Variants in TENM2 observed in about 807,000 individuals in gnomAD.
TENM2 encodes the protein teneurin transmembrane protein 2, also known as teneurin-2.
TENM2 carries 52 observed loss-of-function variants against 245.2 expected under a neutral mutation model. The observed-to-expected ratio is 0.21, with a 90% CI of 0.17 to 0.27. The LOEUF is 0.27. TENM2 is among the 10% of genes least tolerant of loss of function. The pLI is 1.00. For missense variants in TENM2, 3,046 were observed against 3,666.8 expected, an observed-to-expected ratio of 0.83 and a Z score of 4.37; for synonymous variants, 1,363 against 1,438.9, an observed-to-expected ratio of 0.95 and a Z score of 1.19.
intron 2 of TENM2, among the ~76,000 whole-genome samples, chr5:167,596,737 A>T (rs1291520897): frequency 6.6e-6 from 1 of 150,908 alleles, no homozygotes; most frequent in African/African-American, 2.4e-5. Flanking sequence ...CGGAGCTTGC[A>T]GTGAGCCGAG....
At chr5:167,816,947 C>T (rs1767105185) in intron 2 of TENM2, among the ~76,000 whole-genome samples, 1 of 152,140 alleles carries the variant, frequency 6.6e-6, no homozygotes, top group African/African-American at 2.4e-5. Context: ...TAATGAAGCA[C>T]AATCATGACT....
At position 168,076,886 on chromosome 5, in the gene TENM2, C is replaced by T. The variant is rs542280845; in HGVS notation, c.1516-13688C>T. Among the ~76,000 whole-genome samples the T allele has an allele frequency of 5.3e-5, 8 of 152,258 alleles. No homozygotes were observed. The East Asian group carries it at 5.8e-4, about 11-fold the overall frequency. On this transcript the variant is annotated intron_variant, in intron 7 of 28. Coordinates refer to ENST00000518659, the Ensembl canonical transcript of TENM2. ...CTGTGGTCCTGTGAATACACACACACGTGCAAATGAGAGAGGCGGGCCAGC... is the reference window on the plus strand; with the variant it reads ...CTGTGGTCCTGTGAATACACACACATGTGCAAATGAGAGAGGCGGGCCAGC...
chr5:167,236,124 C>T, the TENM2 span, among the ~76,000 whole-genome samples: 4 of 152,152 alleles, frequency 2.6e-5, no homozygotes, highest in Non-Finnish European at 5.9e-5. Flanking sequence ...CTGTGTATTA[C>T]CTTGTCTACA....
At chr5:167,653,956 A>T (rs1279262617) in intron 2 of TENM2, 1 of 151,748 alleles carries the variant, frequency 6.6e-6, no homozygotes, top group African/African-American at 2.4e-5. Flanking sequence ...AAAAGAAATC[A>T]ATTCTTGACA....
chr5:168,001,415 G>A (rs1320444958), intron 5 of TENM2, among the ~76,000 whole-genome samples: 1 of 152,212 alleles, frequency 6.6e-6, no homozygotes, highest in Non-Finnish European at 1.5e-5. Flanking sequence ...TGGAGTTCAA[G>A]GTGAAGAAGC....
At chr5:167,449,539 GATAGATA>G (rs1765442371) in intron 2 of TENM2, among the ~76,000 whole-genome samples, 2 of 151,338 alleles carry the variant, frequency 1.3e-5, no homozygotes, top group Non-Finnish European at 3.0e-5. Flanking sequence ...TAGATAGATA[GATAGATA>G]GATAGATAGA....
the TENM2 span, among the ~76,000 whole-genome samples, chr5:167,180,092 G>C: frequency 7.2e-6 from 1 of 139,734 alleles, no homozygotes; most frequent in Non-Finnish European, 1.5e-5. Flanking sequence ...CCTTTTCAGA[G>C]TAAGTGCTTC....
At chr5:167,986,070 T>C (rs1252243791) in intron 4 of TENM2, among the ~76,000 whole-genome samples, 2 of 152,200 alleles carry the variant, frequency 1.3e-5, no homozygotes, top group Admixed American at 6.5e-5. Context: ...AGGTTTCTTT[T>C]TAAAATCTTT....
chr5:168,230,948 C>A, intron 25 of TENM2: 1 of 152,344 alleles, frequency 6.6e-6, no homozygotes, highest in Non-Finnish European at 1.5e-5. Context: ...ATCTCATGGG[C>A]GTAACACATC....
intron 2 of TENM2, among the ~76,000 whole-genome samples, chr5:167,831,330 T>A (rs1471103370): frequency 6.6e-6 from 1 of 152,126 alleles, no homozygotes. Context: ...GGTAGACAAT[T>A]AAATAAAGTA....
intron 2 of TENM2, among the ~76,000 whole-genome samples, chr5:167,389,773 G>A (rs925564706): frequency 2.6e-4 from 40 of 152,062 alleles, no homozygotes; most frequent in African/African-American, 8.9e-4. Flanking sequence ...AAATCAACAG[G>A]CACACGGAAT....
the TENM2 span, among the ~76,000 whole-genome samples, chr5:167,152,529 G>A: frequency 6.6e-6 from 1 of 152,140 alleles, no homozygotes; most frequent in Non-Finnish European, 1.5e-5. Context: ...TGTTAAACCT[G>A]AAGGGATCCT....
upstream of TENM2, among the ~76,000 whole-genome samples, chr5:167,281,331 G>T (rs1771057017): frequency 6.6e-6 from 1 of 150,490 alleles, no homozygotes; most frequent in African/African-American, 2.4e-5. Context: ...TGGCCAGGCT[G>T]GTCTTGAACT....
At chr5:168,042,337 C>T (rs568672359) in intron 5 of TENM2, among the ~76,000 whole-genome samples, 2 of 152,226 alleles carry the variant, frequency 1.3e-5, no homozygotes, top group East Asian at 1.9e-4. Context: ...GGGGCCTGCT[C>T]GGCAAACACA....
At chr5:168,211,055 A>G (rs1237853774) in intron 19 of TENM2, among the ~76,000 whole-genome samples, 1 of 152,188 alleles carries the variant, frequency 6.6e-6, no homozygotes, top group Non-Finnish European at 1.5e-5. Flanking sequence ...CGTTATTGCA[A>G]TATTGGACGT....
chr5:167,894,997 G>A (rs1775095020), intron 3 of TENM2, among the ~76,000 whole-genome samples: 1 of 132,660 alleles, frequency 7.5e-6, no homozygotes, highest in South Asian at 3.0e-4. Flanking sequence ...AAGGAGGGAA[G>A]GAAGGAAGGA....
chr5:167,914,718 G>A (rs1012248737), intron 3 of TENM2, among the ~76,000 whole-genome samples: 1 of 152,262 alleles, frequency 6.6e-6, no homozygotes, highest in Non-Finnish European at 1.5e-5. Context: ...GAGCCTCTCA[G>A]GGAGGATCTT....
intron 5 of TENM2, among the ~76,000 whole-genome samples, chr5:168,026,700 G>C (rs1340751741): frequency 1.3e-5 from 2 of 152,078 alleles, no homozygotes; most frequent in Non-Finnish European, 2.9e-5. Context: ...CTGTAAAATG[G>C]ATACAATAAT....
At position 167,583,473 on chromosome 5, in the gene TENM2, TACACACACAC is replaced by T. The variant is rs10682735; in HGVS notation, c.502+208029_502+208038del. ...TGTGAAAAGGCATTATGAGTATATG[TACACACACAC>T]ACACACACACACACACACACACACA... On this transcript the variant is annotated intron_variant, in intron 2 of 28. Transcript: ENST00000518659. 3.0e-3 allele frequency among the ~76,000 whole-genome samples: 408 copies of T among 137,574 alleles called. 1 individual carries two copies. The highest frequency in any genetic ancestry group is 0.01 in the African/African-American group (380 of 36,252). The allele number at this position is 137,574 out of a possible 152,430, so 90.3% of individuals were successfully genotyped here.
Sources: gnomAD v4.1 joint callset for allele counts (sites outside exome capture counted in the v4.1 genomes callset) on GRCh38, gnomAD v4.1.1 for gene constraint, MANE v1.5 for transcripts, NCBI Gene and HGNC (gene_info 2026-07-23, HGNC 2026-07-21) for gene names.